CSMD3: variants seen among roughly 807,000 people sequenced by gnomAD.
CSMD3 encodes CUB and sushi domain-containing protein 3.
Under a neutral mutation model 435.2 loss-of-function variants are expected in CSMD3, and 177 were observed. That is an observed-to-expected ratio of 0.41 (90% confidence interval 0.36 to 0.46). The LOEUF is 0.46. Ranked by LOEUF, CSMD3 falls within the 20% of genes least tolerant of loss-of-function variation. The pLI, the probability that CSMD3 is intolerant of heterozygous loss-of-function variation, is 0.34. For synonymous variants in CSMD3, 1,656 were observed against 1,520.5 expected (o/e 1.09, Z -2.07); for missense variants, 4,265 against 4,504.6 (o/e 0.95, Z 1.52).
chr8:112,625,485 T>A (rs561264484), intron 22 of CSMD3, among the ~76,000 whole-genome samples: 11 of 152,242 alleles, frequency 7.2e-5, no homozygotes, highest in African/African-American at 2.6e-4. Context: ...AAGGTTAATA[T>A]TTTATACCTG....
intron 24 of CSMD3, among the ~76,000 whole-genome samples, chr8:112,568,374 T>C (rs750927093): frequency 9.9e-5 from 15 of 151,900 alleles, no homozygotes; most frequent in Non-Finnish European, 1.2e-4. Flanking sequence ...AGGTGGATCA[T>C]TGGAGGTCAG....
chr8:113,296,139 G>A lies in CSMD3; in HGVS notation c.402-17435C>T, dbSNP rs556355278. 3.3e-5 allele frequency among the ~76,000 whole-genome samples: 5 copies of A among 151,836 alleles called. No individual in the cohort carries two copies. In the East Asian group the frequency reaches 9.7e-4, roughly 30 times the overall value. ...AGGAAGGGGGACATCACACACTGGG[G>A]CCTGTTGTGGGGTTGGGGGAGAGGG... On this transcript the variant is annotated intron_variant, in intron 2 of 70. Transcript: ENST00000297405.
At chr8:112,469,250 T>C (rs957029181) in intron 32 of CSMD3, among the ~76,000 whole-genome samples, 2 of 151,390 alleles carry the variant, frequency 1.3e-5, no homozygotes, top group Non-Finnish European at 2.9e-5. Context: ...AAAACTGTCA[T>C]CTGTTCTTAC....
At chr8:112,760,423 G>T (rs2077810264) in intron 13 of CSMD3, among the ~76,000 whole-genome samples, 1 of 152,120 alleles carries the variant, frequency 6.6e-6, no homozygotes, top group Non-Finnish European at 1.5e-5. Flanking sequence ...TGTGTCAGTT[G>T]TCACATTATT....
intron 17 of CSMD3, among the ~76,000 whole-genome samples, chr8:112,663,928 A>C (rs2075453490): frequency 6.6e-6 from 1 of 152,162 alleles, no homozygotes; most frequent in African/African-American, 2.4e-5. Context: ...AGTGAACAAA[A>C]GCACCCCCAG....
chr8:112,937,950 G>C (rs2083336709), intron 9 of CSMD3, among the ~76,000 whole-genome samples: 1 of 152,086 alleles, frequency 6.6e-6, no homozygotes, highest in African/African-American at 2.4e-5. Flanking sequence ...AAGCACACAA[G>C]TAAATTTTAT....
intron 13 of CSMD3, among the ~76,000 whole-genome samples, chr8:112,782,306 T>C (rs1475074301): frequency 6.6e-6 from 1 of 152,048 alleles, no homozygotes; most frequent in Non-Finnish European, 1.5e-5. Context: ...TACTGAAGAA[T>C]GCATCAGTCT....
chr8:112,861,594 T>A (rs2080828513), intron 10 of CSMD3, among the ~76,000 whole-genome samples: 1 of 151,948 alleles, frequency 6.6e-6, no homozygotes, highest in Admixed American at 6.6e-5. Context: ...GTGCCACTTC[T>A]TTCCATAAGA....
At chr8:113,382,369 A>C (rs1421124385) in intron 1 of CSMD3, among the ~76,000 whole-genome samples, 1 of 152,154 alleles carries the variant, frequency 6.6e-6, no homozygotes, top group Non-Finnish European at 1.5e-5. Flanking sequence ...GTTCACAATA[A>C]GTGATGAGTC....
chr8:112,948,223 G>A (rs2083683001), intron 8 of CSMD3, among the ~76,000 whole-genome samples: 1 of 151,756 alleles, frequency 6.6e-6, no homozygotes, highest in Non-Finnish European at 1.5e-5. Context: ...TTAATCACTG[G>A]CAACAAAGAA....
intron 26 of CSMD3, among the ~76,000 whole-genome samples, chr8:112,551,453 G>A (rs1278675988): frequency 1.3e-5 from 2 of 151,880 alleles, no homozygotes; most frequent in African/African-American, 4.8e-5. Context: ...TTTTGTGCTT[G>A]GTGCAAAATT....
chr8:112,506,230 C>T (rs1822501225), intron 29 of CSMD3, among the ~76,000 whole-genome samples: 1 of 152,064 alleles, frequency 6.6e-6, no homozygotes, highest in South Asian at 2.1e-4. Flanking sequence ...AACAAACTGG[C>T]CTCAGTACGT....
intron 4 of CSMD3, among the ~76,000 whole-genome samples, chr8:113,155,002 T>C (rs1378704384): frequency 6.6e-6 from 1 of 151,952 alleles, no homozygotes; most frequent in Non-Finnish European, 1.5e-5. Flanking sequence ...ACAAGCTACT[T>C]TGGGGACTGG....
intron 44 of CSMD3, among the ~76,000 whole-genome samples, chr8:112,335,873 T>C (rs1563805467): frequency 6.6e-6 from 1 of 151,966 alleles, no homozygotes; most frequent in Non-Finnish European, 1.5e-5. Flanking sequence ...AAATTATCAG[T>C]AGTTAATTAT....
chr8:112,954,889 AC>A, intron 7 of CSMD3, 128 bp from the exon 8 acceptor site: 1 of 640,256 alleles, frequency 1.6e-6, no homozygotes, highest in Non-Finnish European at 2.8e-6. Context: ...CTGATATAGT[AC>A]CCAGAAGAAT....
chr8:112,547,836 G>C (rs1044875316), intron 27 of CSMD3, among the ~76,000 whole-genome samples: 1 of 152,124 alleles, frequency 6.6e-6, no homozygotes, highest in East Asian at 1.9e-4. Context: ...TTAATGAAAA[G>C]ATGAGTTTGA....
At chr8:113,162,421 T>A (rs1165384018) in intron 4 of CSMD3, among the ~76,000 whole-genome samples, 2 of 151,584 alleles carry the variant, frequency 1.3e-5, no homozygotes, top group African/African-American at 2.4e-5. Flanking sequence ...CAAAATTAGC[T>A]GTGCATGGTG....
At chr8:112,830,472 A>T (rs2079837418) in intron 11 of CSMD3, among the ~76,000 whole-genome samples, 1 of 152,182 alleles carries the variant, frequency 6.6e-6, no homozygotes, top group Non-Finnish European at 1.5e-5. Context: ...CTATGCAAAA[A>T]TTCAAATTTA....
intron 3 of CSMD3, among the ~76,000 whole-genome samples, chr8:113,219,297 C>A (rs1214103407): frequency 1.3e-5 from 2 of 151,114 alleles, no homozygotes; most frequent in Non-Finnish European, 3.0e-5. Flanking sequence ...CTATACCTAT[C>A]CGCAAATGAC....
Sources: gnomAD v4.1 joint callset for allele counts (sites outside exome capture counted in the v4.1 genomes callset) on GRCh38, gnomAD v4.1.1 for gene constraint, MANE v1.5 for transcripts, NCBI Gene and HGNC (gene_info 2026-07-23, HGNC 2026-07-21) for gene names.